Variants in TRIML2 observed in about 807,000 individuals in gnomAD.
The protein encoded by TRIML2 is tripartite motif family like 2, also known as probable E3 ubiquitin-protein ligase TRIML2.
Under a neutral mutation model 31.2 loss-of-function variants are expected in TRIML2, and 28 were observed. That is an observed-to-expected ratio of 0.90 (90% CI 0.66 to 1.23). The LOEUF is 1.23. TRIML2 is among the 50% of genes most tolerant of loss of function. TRIML2 has a pLI of 0.00. For synonymous variants in TRIML2, 187 were observed against 197.5 expected, an observed-to-expected ratio of 0.95 and a Z score of 0.45; for missense variants, 536 against 528.3, an observed-to-expected ratio of 1.01 and a Z score of -0.14.
chr4:188,105,081 T>C, intron 2 of TRIML2, 99 bp downstream of exon 2: 2 of 1,438,130 alleles, frequency 1.4e-6, no homozygotes, highest in Non-Finnish European at 9.6e-7. Flanking sequence ...GTAATAAACA[T>C]CAACTAAGGT....
chr4:188,099,238 C>G, intron 4 of TRIML2, 63 bp from the exon 5 acceptor site: 2 of 1,529,386 alleles, frequency 1.3e-6, no homozygotes, highest in Non-Finnish European at 1.8e-6. Context: ...AGTTCGGTAA[C>G]TTCTCCTATA....
intron 7 of TRIML2, among the ~76,000 whole-genome samples, chr4:188,095,266 A>C (rs1260806756): frequency 6.6e-6 from 1 of 152,190 alleles, no homozygotes; most frequent in Non-Finnish European, 1.5e-5. Context: ...TAAAAGAAAA[A>C]ACTTGATAAA....
In TRIML2 at chr4:188,099,195, T is replaced by A; in HGVS notation, c.481-20A>T. Reference sequence around the variant, plus strand: ...CAGTCTCTGCAGAAGCATTTCTTCGTTACTATTCAACAACCTCAAGTTCAG... The same window carrying A: ...CAGTCTCTGCAGAAGCATTTCTTCGATACTATTCAACAACCTCAAGTTCAG... On this transcript the variant is annotated intron_variant, in intron 4 of 7. Coordinates refer to ENST00000682553, the MANE Select transcript of TRIML2 (RefSeq NM_173553.4). 2 of 1,573,846 alleles carry A rather than the reference T, an allele frequency of 1.3e-6. No homozygotes were observed. Among genetic ancestry groups the A allele is most frequent in the East Asian group, 2.3e-5 (1 of 44,000 alleles).
chr4:188,106,885 C>A, intron 1 of TRIML2: 1 of 262,198 alleles, frequency 3.8e-6, no homozygotes. Context: ...CGACGTTGTG[C>A]CCATCTTTGG....
At chr4:188,092,036 GCA>G in intron 7 of TRIML2, 95 bp from the exon 8 acceptor site, 1 of 1,321,814 alleles carries the variant, frequency 7.6e-7, no homozygotes, top group South Asian at 1.4e-5. Context: ...CACTGAGTGG[GCA>G]CAAGTCCCAG....
chr4:188,092,813 T>G (rs1445624759), intron 7 of TRIML2: 3 of 455,502 alleles, frequency 6.6e-6, no homozygotes, highest in Non-Finnish European at 1.3e-5. Context: ...CTCAATGAAT[T>G]CCTCACACCT....
chr4:188,094,940 T>C (rs751649198), intron 7 of TRIML2, among the ~76,000 whole-genome samples: 70 of 152,148 alleles, frequency 4.6e-4, no homozygotes, highest in Non-Finnish European at 8.8e-4. Context: ...CAACCATCAA[T>C]AGACCTATTA....
chr4:188,091,281 G>T lies in TRIML2; in HGVS notation c.*92C>A. On this transcript the variant is annotated 3_prime_UTR_variant, in exon 8 of 8. Coordinates refer to ENST00000682553, the MANE Select transcript of TRIML2 (RefSeq NM_173553.4). ...TAAATCAGGCTCCTACTCCTGGAAC[G>T]CTTTTTATTGGGTTAGTTTACACAA... is the stretch of plus-strand genomic sequence containing the variant. 1.6e-6 allele frequency: 2 copies of T among 1,240,940 alleles called. No individual in the cohort carries two copies. Among genetic ancestry groups the T allele is most frequent in the Non-Finnish European group, 2.3e-6 (2 of 884,280 alleles). 76.9% of individuals were successfully genotyped at this position (1,240,940 alleles called of 1,614,324 possible). A position where few individuals can be genotyped will look rare whatever the true frequency, so the allele number is the denominator to read the frequency against.
intron 4 of TRIML2, among the ~76,000 whole-genome samples, chr4:188,100,171 G>A (rs146403158): frequency 6.6e-6 from 1 of 152,204 alleles, no homozygotes; most frequent in African/African-American, 2.4e-5. Context: ...AATACAGGGT[G>A]TTTCTAACCT....
rs776388856 is a variant in TRIML2, at chr4:188,091,392, T to C, written c.1295A>G (p.Asp432Gly). The C allele has an allele frequency of 1.4e-5, 22 of 1,613,546 alleles. No individual in the cohort carries two copies. In the Admixed American group the frequency reaches 3.7e-4, roughly 27 times the overall value. The change falls in exon 8 of 8, where the codon GAT becomes GGT. Residue 432 changes from aspartate (D) to glycine (G), a missense_variant. Physicochemically the swap from Asp to Gly is moderately conservative, Grantham distance 94. Coordinates refer to ENST00000682553, the MANE Select transcript of TRIML2 (RefSeq NM_173553.4). ...LTILQHGPSC[D>G]ATVSP ...AGAAGATTAAGGGCTAACAGTAGCATCACAAGAAGGACCATGTTGTAAGAT... is the reference window on the plus strand; with the variant it reads ...AGAAGATTAAGGGCTAACAGTAGCACCACAAGAAGGACCATGTTGTAAGAT...
intron 7 of TRIML2, among the ~76,000 whole-genome samples, chr4:188,094,035 G>A (rs1733385527): frequency 6.6e-6 from 1 of 151,486 alleles, no homozygotes; most frequent in South Asian, 2.1e-4. Context: ...AGGTTGCGGT[G>A]AGCTGAGGCT....
At position 188,097,172 on chromosome 4, in the gene TRIML2, A is replaced by C; in HGVS notation, c.645-11T>G. 1 of 1,613,092 alleles carries C rather than the reference A, an allele frequency of 6.2e-7. No homozygotes were observed. The highest frequency in any genetic ancestry group is 8.5e-7 in the Non-Finnish European group (1 of 1,179,108). ...AGCAGTGACTTGCTCCTGAAGAGAA[A>C]GGACAGCCTCAGTCATCTGCACAGA... is the stretch of plus-strand genomic sequence containing the variant. On this transcript the variant is annotated splice_polypyrimidine_tract_variant and intron_variant, in intron 6 of 7. Transcript: ENST00000682553.
In TRIML2 at chr4:188,091,773, T is replaced by C. The variant is rs758201840; in HGVS notation, c.914A>G (p.Tyr305Cys). 4 of 1,614,112 alleles carry C rather than the reference T, an allele frequency of 2.5e-6. No homozygotes were observed. In the South Asian group the frequency reaches 4.4e-5, roughly 18 times the overall value. ...TGCCTTTTCCACGTCCACCTCCCAG[T>C]AGTGCCTCCCTGAGGTGAAGCTCTC... ...AAESFTSGRHYWEVDVEKATR... is the reference protein window; with the variant it reads ...AAESFTSGRHCWEVDVEKATR... The change falls in exon 8 of 8, where the codon TAC (tyrosine) becomes TGC (cysteine). Residue 305 changes from tyrosine to cysteine, a missense_variant. Coordinates refer to ENST00000682553, the MANE Select transcript of TRIML2 (RefSeq NM_173553.4).
chr4:188,095,204 C>T (rs992454821), intron 7 of TRIML2, among the ~76,000 whole-genome samples: 2 of 152,120 alleles, frequency 1.3e-5, no homozygotes, highest in Admixed American at 6.6e-5. Context: ...GGAAGGAAAT[C>T]TTTGTTGGCT....
At chr4:188,108,652 G>T (rs1734133993) in intron 1 of TRIML2, among the ~76,000 whole-genome samples, 1 of 152,008 alleles carries the variant, frequency 6.6e-6, no homozygotes, top group African/African-American at 2.4e-5. Context: ...TGTCAATCTA[G>T]CTGCCTCTAA....
intron 3 of TRIML2, among the ~76,000 whole-genome samples, chr4:188,103,952 TG>T (rs1280005506): frequency 1.3e-5 from 2 of 152,122 alleles, no homozygotes; most frequent in Non-Finnish European, 2.9e-5. Context: ...CTTTAAAAAT[TG>T]AGGGAGAGAA....
At position 188,099,362 on chromosome 4, in the gene TRIML2, G is replaced by C. The variant is rs113947524; in HGVS notation, c.481-187C>G. Among the ~76,000 whole-genome samples the C allele has an allele frequency of 5.6e-3, 849 of 152,244 alleles. 8 individuals are homozygous for C. The highest frequency in any genetic ancestry group is 0.019 in the African/African-American group (785 of 41,554). On this transcript the variant is annotated intron_variant, in intron 4 of 7. Transcript: ENST00000682553. ...CCGGCGGATCATGAGGTCAGGGTTT[G>C]AGACCAGCCTGGCCAACATGGTGAA...
At chr4:188,097,616 C>T (rs572071781) in intron 5 of TRIML2, among the ~76,000 whole-genome samples, 9 of 152,244 alleles carry the variant, frequency 5.9e-5, no homozygotes, top group African/African-American at 1.4e-4. Context: ...AGTCTTCAGA[C>T]GGGAGCATCT....
At chr4:188,100,209 TCTGCTACTCATCAA>T (rs2111173786) in intron 4 of TRIML2, among the ~76,000 whole-genome samples, 1 of 152,292 alleles carries the variant, frequency 6.6e-6, no homozygotes, top group East Asian at 1.9e-4. Flanking sequence ...AATTGTAACA[TCTGCTACTCATCAA>T]CTGCTTAACA....
Sources: gnomAD v4.1 joint callset for allele counts (sites outside exome capture counted in the v4.1 genomes callset) on GRCh38, gnomAD v4.1.1 for gene constraint, MANE v1.5 for transcripts, NCBI Gene and HGNC (gene_info 2026-07-23, HGNC 2026-07-21) for gene names.